ANKS1B: variants seen among roughly 807,000 people sequenced by gnomAD.
The protein encoded by ANKS1B is ankyrin repeat and sterile alpha motif domain-containing protein 1B.
A neutral mutation model predicts 148.3 loss-of-function variants in ANKS1B; 36 were observed. The ratio of observed to expected loss-of-function variants is 0.24; its 90% CI spans 0.19 to 0.32. The LOEUF (loss-of-function observed/expected upper bound fraction) is 0.32. ANKS1B is among the 10% of genes least tolerant of loss of function. The probability of loss-of-function intolerance (pLI) is 1.00; values close to 1 mark genes in which losing one functional copy is unlikely to be tolerated. For synonymous variants in ANKS1B, 542 were observed against 560.8 expected (o/e 0.97, Z 0.47); for missense variants, 1,157 against 1,542.6 (o/e 0.75, Z 4.19).
At chr12:99,906,824 CG>C (rs200948305) in intron 1 of ANKS1B, among the ~76,000 whole-genome samples, 1,851 of 151,992 alleles carry the variant, frequency 0.012, 16 homozygotes, top group Middle Eastern at 0.027. Context: ...ATTGTAGTGC[CG>C]GGAGTATGGG....
intron 10 of ANKS1B, among the ~76,000 whole-genome samples, chr12:99,461,436 A>AAG (rs1460232637): frequency 5.9e-5 from 9 of 152,166 alleles, no homozygotes; most frequent in African/African-American, 2.2e-4. Context: ...AATTAAAAAA[A>AAG]AAGAAGAAGA....
chr12:99,343,937 G>A (rs1263417340), intron 12 of ANKS1B: 1 of 151,988 alleles, frequency 6.6e-6, no homozygotes, highest in Non-Finnish European at 1.5e-5. Flanking sequence ...GGAGCATATA[G>A]AACTGTAAGG....
intron 16 of ANKS1B, among the ~76,000 whole-genome samples, chr12:99,082,921 A>T (rs768774049): frequency 6.6e-6 from 1 of 152,186 alleles, no homozygotes; most frequent in Non-Finnish European, 1.5e-5. Context: ...ATACAGCAGT[A>T]TGGAAGCCAT....
chr12:98,928,234 T>G (rs779103295), intron 17 of ANKS1B, among the ~76,000 whole-genome samples: 19 of 150,970 alleles, frequency 1.3e-4, no homozygotes, highest in Non-Finnish European at 2.1e-4. Context: ...TGAAACCAAC[T>G]CAAGAAAAAT....
At chr12:99,076,705 A>G (rs1009919526) in intron 16 of ANKS1B, among the ~76,000 whole-genome samples, 2 of 152,168 alleles carry the variant, frequency 1.3e-5, no homozygotes, top group Non-Finnish European at 2.9e-5. Context: ...TATATTTCTG[A>G]TCTGAGTTCT....
chr12:99,468,587 T>G (rs1316436371), intron 10 of ANKS1B, among the ~76,000 whole-genome samples: 3 of 151,940 alleles, frequency 2.0e-5, no homozygotes, highest in African/African-American at 7.3e-5. Context: ...TCAAACAAAT[T>G]TACAAGAACA....
chr12:99,609,547 GAA>G lies in ANKS1B; in HGVS notation c.1272+45518_1272+45519del, dbSNP rs147882226. ...CCCTTTGAATTGGGACTTTTTATAA[GAA>G]AAAAAAAAAAATCCCCTGAGAGCTG... On this transcript the variant is annotated intron_variant, in intron 9 of 26. Coordinates refer to ENST00000683438, the MANE Select transcript of ANKS1B (RefSeq NM_001352186.2). Among the ~76,000 whole-genome samples the G allele has an allele frequency of 2.8e-3, 395 of 140,506 alleles. 2 individuals are homozygous for G. Among genetic ancestry groups the G allele is most frequent in the African/African-American group, 9.4e-3 (365 of 38,952 alleles). The allele number at this position is 140,506 out of a possible 152,430, so 92.2% of individuals were successfully genotyped here.
At chr12:98,804,411 CCCTG>C (rs1226549473) in intron 20 of ANKS1B, among the ~76,000 whole-genome samples, 3 of 131,062 alleles carry the variant, frequency 2.3e-5, no homozygotes, top group Non-Finnish European at 4.8e-5. Context: ...CTCTCCCCAC[CCCTG>C]CCTATTTTTT....
intron 9 of ANKS1B, among the ~76,000 whole-genome samples, chr12:99,541,602 T>C (rs1351999616): frequency 6.6e-6 from 1 of 152,170 alleles, no homozygotes; most frequent in Non-Finnish European, 1.5e-5. Context: ...GGCTCACATC[T>C]ATAATCCCAG....
chr12:99,725,512 T>C (rs2058527897), intron 8 of ANKS1B, among the ~76,000 whole-genome samples: 2 of 152,160 alleles, frequency 1.3e-5, no homozygotes, highest in South Asian at 4.1e-4. Flanking sequence ...AACAAGTTCT[T>C]AGAGACCTAC....
At chr12:99,109,187 A>C (rs527397385) in intron 15 of ANKS1B, among the ~76,000 whole-genome samples, 1,502 of 86,312 alleles carry the variant, frequency 0.017, 46 homozygotes, top group Admixed American at 0.12. Context: ...AACCATCAGC[A>C]CTTGCTAGCT....
chr12:98,932,997 G>A (rs535958737), intron 17 of ANKS1B, among the ~76,000 whole-genome samples: 3 of 152,050 alleles, frequency 2.0e-5, no homozygotes, highest in Non-Finnish European at 2.9e-5. Context: ...CTTAACATGC[G>A]ATCTACCTCT....
intron 1 of ANKS1B, among the ~76,000 whole-genome samples, chr12:99,839,468 TAAAG>T (rs1039621398): frequency 2.0e-5 from 3 of 152,034 alleles, no homozygotes; most frequent in African/African-American, 7.2e-5. Flanking sequence ...GTGAGAAGAT[TAAAG>T]AAAAAATATA....
chr12:98,791,601 C>G (rs2098857293), intron 22 of ANKS1B, among the ~76,000 whole-genome samples: 1 of 152,092 alleles, frequency 6.6e-6, no homozygotes, highest in South Asian at 2.1e-4. Context: ...GGCTAGAATG[C>G]AGTGGCTGTT....
intron 12 of ANKS1B, among the ~76,000 whole-genome samples, chr12:99,313,997 A>G (rs2083603018): frequency 6.6e-6 from 1 of 152,208 alleles, no homozygotes; most frequent in Non-Finnish European, 1.5e-5. Flanking sequence ...TGCAGATGAC[A>G]TGACTATATA....
intron 6 of ANKS1B, among the ~76,000 whole-genome samples, chr12:99,779,614 T>C (rs948970586): frequency 1.3e-5 from 2 of 152,182 alleles, no homozygotes; most frequent in African/African-American, 2.4e-5. Context: ...TACATAAATA[T>C]GAATTTTAAA....
intron 10 of ANKS1B, among the ~76,000 whole-genome samples, chr12:99,463,330 C>G (rs191922076): frequency 2.6e-5 from 4 of 152,186 alleles, no homozygotes; most frequent in South Asian, 2.1e-4. Context: ...CGAATAGGAA[C>G]AGATCCGGTC....
At chr12:99,130,161 T>C (rs1280068832) in intron 15 of ANKS1B, among the ~76,000 whole-genome samples, 2 of 152,258 alleles carry the variant, frequency 1.3e-5, no homozygotes, top group African/African-American at 4.8e-5. Flanking sequence ...CATCAAGGTA[T>C]ACTGATGGTT....
At chr12:98,980,302 G>A (rs534908356) in intron 17 of ANKS1B, among the ~76,000 whole-genome samples, 2 of 152,288 alleles carry the variant, frequency 1.3e-5, no homozygotes, top group South Asian at 4.1e-4. Context: ...CCAGGTACCC[G>A]CCATTCTCCT....
Sources: allele counts gnomAD v4.1 joint callset (sites outside exome capture counted in the v4.1 genomes callset), GRCh38; gene constraint gnomAD v4.1.1; transcripts MANE v1.5; gene names NCBI Gene and HGNC (gene_info 2026-07-23, HGNC 2026-07-21).